The following AKAP13 variants were observed in gnomAD, a reference collection of about 807,000 sequenced individuals.
The protein encoded by AKAP13 is A-kinase anchoring protein 13.
AKAP13 carries 80 observed loss-of-function variants against 264.5 expected under a neutral mutation model. The ratio of observed to expected loss-of-function variants is 0.30; its 90% CI spans 0.25 to 0.36. AKAP13 has a LOEUF of 0.36. Ranked by LOEUF, AKAP13 falls within the 10% of genes least tolerant of loss-of-function variation. The probability of loss-of-function intolerance (pLI) is 1.00; values close to 1 mark genes in which losing one functional copy is unlikely to be tolerated. For synonymous variants in AKAP13, 1,380 were observed against 1,250.2 expected, an observed-to-expected ratio of 1.10 and a Z score of -2.19; for missense variants, 3,712 against 3,435.2, an observed-to-expected ratio of 1.08 and a Z score of -2.01.
intron 5 of AKAP13, among the ~76,000 whole-genome samples, chr15:85,561,281 C>T (rs1451769855): frequency 6.6e-6 from 1 of 152,184 alleles, no homozygotes; most frequent in African/African-American, 2.4e-5. Context: ...TGGTCTCGAA[C>T]TCCTGACCTC....
chr15:85,513,228 C>G (rs2076502185), intron 2 of AKAP13, among the ~76,000 whole-genome samples: 1 of 152,112 alleles, frequency 6.6e-6, no homozygotes, highest in African/African-American at 2.4e-5. Context: ...TCCATGCTCT[C>G]AGAGTGAGGC....
intron 13 of AKAP13, among the ~76,000 whole-genome samples, chr15:85,667,186 C>CTA (rs1407617854): frequency 6.6e-6 from 1 of 152,146 alleles, no homozygotes; most frequent in Non-Finnish European, 1.5e-5. Context: ...TTGCATCCTA[C>CTA]TATGAAGCAC....
At chr15:85,569,120 CT>C (rs1287386995) in intron 5 of AKAP13, among the ~76,000 whole-genome samples, 2 of 152,178 alleles carry the variant, frequency 1.3e-5, no homozygotes, top group Non-Finnish European at 2.9e-5. Flanking sequence ...ATTGCTGCTG[CT>C]TTTGATTATG....
intron 8 of AKAP13, chr15:85,621,399 GA>G (rs1345415278): frequency 6.6e-6 from 1 of 152,306 alleles, no homozygotes; most frequent in East Asian, 1.9e-4. Context: ...TGGTTTCTCA[GA>G]AATGTGATTT....
chr15:85,457,616 C>T (rs551099443), intron 1 of AKAP13, among the ~76,000 whole-genome samples: 3 of 152,292 alleles, frequency 2.0e-5, no homozygotes, highest in South Asian at 2.1e-4. Flanking sequence ...GCTGTTTCCT[C>T]GGGTTGCATG....
At chr15:85,694,912 C>T (rs901363705) in intron 17 of AKAP13, among the ~76,000 whole-genome samples, 2 of 152,154 alleles carry the variant, frequency 1.3e-5, no homozygotes, top group African/African-American at 4.8e-5. Context: ...TGTTGGATAT[C>T]CCAAGTAATT....
intron 14 of AKAP13, among the ~76,000 whole-genome samples, chr15:85,681,697 A>G (rs1262295020): frequency 8.3e-6 from 1 of 120,632 alleles, no homozygotes; most frequent in Non-Finnish European, 2.0e-5. Context: ...TATTTCTAGC[A>G]ATTCTCATGA....
chr15:85,729,932 G>A (rs543178781), intron 29 of AKAP13, among the ~76,000 whole-genome samples: 3 of 151,166 alleles, frequency 2.0e-5, no homozygotes, highest in East Asian at 1.9e-4. Context: ...CAATAGGAGC[G>A]AAACTTTCCG....
chr15:85,565,056 G>A (rs1416438129), intron 5 of AKAP13, among the ~76,000 whole-genome samples: 14 of 152,108 alleles, frequency 9.2e-5, no homozygotes, highest in Admixed American at 5.2e-4. Flanking sequence ...AAATTTCAAG[G>A]TAATCATATT....
Position 85,546,895 on chromosome 15 carries a change from C to T in AKAP13, c.662+2940C>T, listed in dbSNP as rs546398917. The stretch of plus-strand genomic sequence containing the variant: ...AGTAGCTGGGATTACAGGCATGCGC[C>T]ACCATGTCCGGCTAATTTTTGTATT... On this transcript the variant is annotated intron_variant, in intron 5 of 36. Transcript: ENST00000394518. Among the ~76,000 whole-genome samples, 15 of 152,270 alleles carry T rather than the reference C, an allele frequency of 9.9e-5. No homozygotes were observed. In the East Asian group the frequency reaches 2.5e-3, roughly 25 times the overall value.
Position 85,450,806 on chromosome 15 carries a change from C to T in AKAP13, c.-11-34904C>T, listed in dbSNP as rs1403248794. On this transcript the variant is annotated intron_variant, in intron 1 of 36. Transcript: ENST00000394518. ...GTTGATTTTAGAGTATGTGCCATGT[C>T]GTGATGAGAAGAATGTATATTCTGT... Among the ~76,000 whole-genome samples, 5 of 152,020 alleles carry T rather than the reference C, an allele frequency of 3.3e-5. No homozygotes were observed. In the East Asian group the frequency reaches 5.8e-4, roughly 18 times the overall value.
intron 5 of AKAP13, among the ~76,000 whole-genome samples, chr15:85,559,781 C>G (rs986738470): frequency 9.3e-5 from 13 of 139,552 alleles, no homozygotes; most frequent in African/African-American, 3.6e-4. Flanking sequence ...GCTTCACTCT[C>G]TAGCCTGCAC....
chr15:85,703,853 A>AAAT lies in AKAP13; in HGVS notation c.5465-4165_5465-4164insATA, dbSNP rs1555461458. Among the ~76,000 whole-genome samples the AAAT allele has an allele frequency of 1.6e-3, 230 of 142,518 alleles. 1 individual carries two copies. The highest frequency in any genetic ancestry group is 5.4e-3 in the African/African-American group (214 of 39,548). 93.5% of individuals were successfully genotyped at this position (142,518 alleles called of 152,430 possible). ...GCAAGACTCCATCTCAAAAAAAAAAAATATATATATATATATATACACACA... is the reference window on the plus strand; with the variant it reads ...GCAAGACTCCATCTCAAAAAAAAAAAAATATATATATATATATATATACACACA... On this transcript the variant is annotated intron_variant, in intron 17 of 36. Coordinates refer to ENST00000394518, the MANE Select transcript of AKAP13 (RefSeq NM_007200.5).
rs181121643 is a variant in AKAP13, at chr15:85,418,401, T to C, written c.-12+37603T>C. 4.6e-5 allele frequency among the ~76,000 whole-genome samples: 7 copies of C among 152,182 alleles called. No homozygotes were observed. The East Asian group carries it at 1.4e-3, about 29-fold the overall frequency. Reference sequence around the variant, plus strand: ...CTGGCCTTTTGTACCATCTTCAAAGTCAGTGTGTGTATTTTAGATGTATAG... The same window carrying C: ...CTGGCCTTTTGTACCATCTTCAAAGCCAGTGTGTGTATTTTAGATGTATAG... On this transcript the variant is annotated intron_variant, in intron 1 of 36. Coordinates refer to ENST00000394518, the MANE Select transcript of AKAP13 (RefSeq NM_007200.5).
intron 3 of AKAP13, among the ~76,000 whole-genome samples, chr15:85,530,737 G>T (rs2077217442): frequency 6.6e-6 from 1 of 152,122 alleles, no homozygotes; most frequent in Admixed American, 6.5e-5. Context: ...CTTCTTTAAA[G>T]CAGTTCTCCT....
At chr15:85,447,582 T>C (rs2073945935) in intron 1 of AKAP13, among the ~76,000 whole-genome samples, 1 of 152,150 alleles carries the variant, frequency 6.6e-6, no homozygotes, top group Admixed American at 6.5e-5. Context: ...AGTAAGTTCT[T>C]ATCATTTAGC....
At chr15:85,719,404 A>G in intron 23 of AKAP13, 78 bp downstream of exon 23, 1 of 1,533,460 alleles carries the variant, frequency 6.5e-7, no homozygotes, top group Non-Finnish European at 8.8e-7. Flanking sequence ...CCATGCATTC[A>G]CATCTTCTTT....
intron 3 of AKAP13, among the ~76,000 whole-genome samples, chr15:85,528,842 C>G (rs944220353): frequency 1.3e-5 from 2 of 152,050 alleles, no homozygotes; most frequent in Non-Finnish European, 2.9e-5. Flanking sequence ...CCAATAGTTT[C>G]TCTCTCTCCT....
intron 5 of AKAP13, among the ~76,000 whole-genome samples, chr15:85,564,748 G>T (rs778959739): frequency 6.6e-6 from 1 of 152,128 alleles, no homozygotes; most frequent in Non-Finnish European, 1.5e-5. Flanking sequence ...AACGTTGTGA[G>T]TAAAAGAGAA....
Sources: allele counts gnomAD v4.1 joint callset (sites outside exome capture counted in the v4.1 genomes callset), GRCh38; gene constraint gnomAD v4.1.1; transcripts MANE v1.5; gene names NCBI Gene and HGNC (gene_info 2026-07-23, HGNC 2026-07-21).